The following SIL1 variants were observed in gnomAD, a reference collection of about 807,000 sequenced individuals.
SIL1 encodes the protein SIL1 nucleotide exchange factor.
In SIL1, 40 loss-of-function variants were observed where a neutral mutation model predicts 49.1. That is an observed-to-expected ratio of 0.81 (90% CI 0.63 to 1.06). SIL1 has a LOEUF of 1.06. Ranked by LOEUF, SIL1 falls within the 50% of genes least tolerant of loss-of-function variation. SIL1 has a pLI of 0.00. For synonymous variants in SIL1, 253 were observed against 250.8 expected, an observed-to-expected ratio of 1.01 and a Z score of -0.08; for missense variants, 500 against 572.6, an observed-to-expected ratio of 0.87 and a Z score of 1.29.
intron 3 of SIL1, among the ~76,000 whole-genome samples, chr5:139,110,529 T>C (rs1180568079): frequency 2.0e-5 from 3 of 152,150 alleles, no homozygotes; most frequent in African/African-American, 7.2e-5. Context: ...AATCCACATA[T>C]TATGGGAAAT....
intron 1 of SIL1, among the ~76,000 whole-genome samples, chr5:139,172,825 G>A (rs1287518154): frequency 6.6e-6 from 1 of 152,080 alleles, no homozygotes; most frequent in Admixed American, 6.6e-5. Flanking sequence ...ACACCAGCTG[G>A]TCCCAGATTC....
chr5:139,160,602 G>A (rs1751492516), intron 1 of SIL1, among the ~76,000 whole-genome samples: 1 of 152,210 alleles, frequency 6.6e-6, no homozygotes, highest in South Asian at 2.1e-4. Context: ...AGTTTGGGAG[G>A]CCGAGGCAGG....
intron 1 of SIL1, among the ~76,000 whole-genome samples, chr5:139,183,468 C>A (rs1385487857): frequency 6.6e-6 from 1 of 152,096 alleles, no homozygotes; most frequent in Admixed American, 6.5e-5. Context: ...GTAGAAAGGG[C>A]AAGGTGATTT....
chr5:139,092,738 G>A (rs1410648357), intron 3 of SIL1, among the ~76,000 whole-genome samples: 1 of 152,190 alleles, frequency 6.6e-6, no homozygotes, highest in Non-Finnish European at 1.5e-5. Context: ...CTTACATTTT[G>A]TTGCTCCTAA....
At chr5:139,127,596 T>TA in intron 2 of SIL1, 143 bp downstream of exon 2, 2 of 690,702 alleles carry the variant, frequency 2.9e-6, no homozygotes, top group Non-Finnish European at 2.6e-6. Context: ...GAAGTCTACC[T>TA]ACTCCATGAT....
chr5:139,097,411 C>A (rs567967049), intron 3 of SIL1, among the ~76,000 whole-genome samples: 37 of 151,438 alleles, frequency 2.4e-4, no homozygotes, highest in South Asian at 2.1e-3. Flanking sequence ...AAGACTCCCC[C>A]AAAAAACTAT....
intron 1 of SIL1, among the ~76,000 whole-genome samples, chr5:139,141,874 A>C (rs1751086507): frequency 6.6e-6 from 1 of 152,208 alleles, no homozygotes; most frequent in African/African-American, 2.4e-5. Context: ...TCAGCACAGA[A>C]CCTACTCCCT....
chr5:139,117,680 T>G (rs1339270619), intron 3 of SIL1, among the ~76,000 whole-genome samples: 5 of 152,020 alleles, frequency 3.3e-5, no homozygotes, highest in African/African-American at 1.2e-4. Context: ...TTGCTGTGCC[T>G]CCGTAAGGTG....
chr5:139,069,021 G>A (rs911489712), intron 3 of SIL1, among the ~76,000 whole-genome samples: 7 of 152,164 alleles, frequency 4.6e-5, no homozygotes, highest in African/African-American at 1.7e-4. Context: ...AGCACTTTGA[G>A]AAGCTGAGGC....
chr5:139,118,981 C>T (rs1003104161), intron 3 of SIL1, among the ~76,000 whole-genome samples: 3 of 152,110 alleles, frequency 2.0e-5, no homozygotes, highest in African/African-American at 4.8e-5. Context: ...CAGGCATGAC[C>T]GGAACCAGAG....
intron 3 of SIL1, among the ~76,000 whole-genome samples, chr5:139,108,788 C>T (rs910597134): frequency 6.6e-6 from 1 of 152,136 alleles, no homozygotes; most frequent in Non-Finnish European, 1.5e-5. Flanking sequence ...ATCTATTCAT[C>T]CCTGCCACCT....
chr5:138,964,146 A>G (rs17207828), intron 7 of SIL1, among the ~76,000 whole-genome samples: 43,782 of 152,180 alleles, frequency 0.29, 6,919 homozygotes, highest in Middle Eastern at 0.41. Context: ...GCTTCAAGGG[A>G]CAGAATGATG....
intron 3 of SIL1, among the ~76,000 whole-genome samples, chr5:139,077,884 A>C (rs1769986568): frequency 6.6e-6 from 1 of 152,222 alleles, no homozygotes; most frequent in Non-Finnish European, 1.5e-5. Flanking sequence ...GGAGGAGATT[A>C]TAGTGTTGCG....
chr5:139,017,645 T>C (rs530379020), intron 7 of SIL1, among the ~76,000 whole-genome samples: 1 of 152,090 alleles, frequency 6.6e-6, no homozygotes, highest in East Asian at 1.9e-4. Context: ...ACTTGATAGT[T>C]TAACTCCTGA....
intron 1 of SIL1, among the ~76,000 whole-genome samples, chr5:139,193,095 A>G (rs544166333): frequency 6.6e-6 from 1 of 152,050 alleles, no homozygotes; most frequent in South Asian, 2.1e-4. Flanking sequence ...CTTGATGACT[A>G]CATTAAAGAA....
intron 2 of SIL1, among the ~76,000 whole-genome samples, chr5:139,125,288 T>C (rs1347936071): frequency 6.6e-6 from 1 of 152,216 alleles, no homozygotes; most frequent in African/African-American, 2.4e-5. Flanking sequence ...ATCACCATCA[T>C]TCCAAATACC....
intron 1 of SIL1, among the ~76,000 whole-genome samples, chr5:139,180,381 CAAAAAAAAA>C (rs35534058): frequency 1.6e-4 from 9 of 57,052 alleles, no homozygotes; most frequent in South Asian, 8.1e-4. Flanking sequence ...AACTCCATCT[CAAAAAAAAA>C]AAAAAAAAAA....
intron 5 of SIL1, among the ~76,000 whole-genome samples, chr5:139,039,533 C>A: frequency 1.3e-5 from 2 of 152,102 alleles, no homozygotes; most frequent in Non-Finnish European, 2.9e-5. Context: ...GTGGGATTTG[C>A]CAACACTCAG....
chr5:139,139,118 T>C (rs1387251698), intron 1 of SIL1, among the ~76,000 whole-genome samples: 1 of 152,208 alleles, frequency 6.6e-6, no homozygotes, highest in Admixed American at 6.5e-5. Flanking sequence ...GCAGCTGACC[T>C]AGACTGCTGG....
Sources: gnomAD v4.1 joint callset for allele counts (sites outside exome capture counted in the v4.1 genomes callset) on GRCh38, gnomAD v4.1.1 for gene constraint, MANE v1.5 for transcripts, NCBI Gene and HGNC (gene_info 2026-07-23, HGNC 2026-07-21) for gene names.